Variants in SH3RF1 observed in about 807,000 individuals in gnomAD.
SH3RF1 encodes E3 ubiquitin-protein ligase SH3RF1.
Under a neutral mutation model 74.0 loss-of-function variants are expected in SH3RF1, and 32 were observed. The observed-to-expected ratio is 0.43, with a 90% CI of 0.33 to 0.58. The LOEUF is 0.58. Among genes scored for constraint, SH3RF1 ranks in the 20% least tolerant of loss-of-function variants. The probability of loss-of-function intolerance (pLI) is 0.05; values close to 1 mark genes in which losing one functional copy is unlikely to be tolerated. For synonymous variants in SH3RF1, 396 were observed against 439.6 expected (o/e 0.90, Z 1.24); for missense variants, 954 against 1,130.9 (o/e 0.84, Z 2.24).
chr4:169,244,542 C>T (rs1251727960), intron 2 of SH3RF1, among the ~76,000 whole-genome samples: 1 of 152,128 alleles, frequency 6.6e-6, no homozygotes, highest in Non-Finnish European at 1.5e-5. Context: ...TCTAAATTCT[C>T]CTACAACGTA....
intron 2 of SH3RF1, among the ~76,000 whole-genome samples, chr4:169,222,524 T>A (rs887671520): frequency 6.0e-5 from 9 of 149,240 alleles, no homozygotes; most frequent in East Asian, 1.9e-4. Context: ...TATATATATA[T>A]AAATCATTAA....
At chr4:169,185,156 A>G (rs1734582043) in intron 2 of SH3RF1, among the ~76,000 whole-genome samples, 1 of 152,182 alleles carries the variant, frequency 6.6e-6, no homozygotes, top group African/African-American at 2.4e-5. Context: ...TCATCCCACA[A>G]ATATTTATTA....
In SH3RF1 at chr4:169,241,230, A is replaced by AAAAT. The variant is rs979646578; in HGVS notation, c.393+27586_393+27589dup. Among the ~76,000 whole-genome samples the AAAAT allele has an allele frequency of 3.3e-5, 5 of 152,212 alleles. No individual in the cohort carries two copies. In the East Asian group the frequency reaches 5.8e-4, roughly 18 times the overall value. ...GGGCGACAGAGCGAGACTCCGTCTC[A>AAAAT]AAATAAATAAATAAATAAACAAACA... On this transcript the variant is annotated intron_variant, in intron 2 of 11. Coordinates refer to ENST00000284637, the MANE Select transcript of SH3RF1 (RefSeq NM_020870.4).
At chr4:169,159,364 A>G (rs1411009963) in intron 2 of SH3RF1, among the ~76,000 whole-genome samples, 1 of 152,236 alleles carries the variant, frequency 6.6e-6, no homozygotes, top group African/African-American at 2.4e-5. Flanking sequence ...ATAGTAAAAC[A>G]CAGCAATCGA....
At chr4:169,222,166 A>G (rs1730576540) in intron 2 of SH3RF1, among the ~76,000 whole-genome samples, 1 of 152,232 alleles carries the variant, frequency 6.6e-6, no homozygotes, top group African/African-American at 2.4e-5. Flanking sequence ...ATATGCTCTT[A>G]AATTATAAAT....
intron 11 of SH3RF1, among the ~76,000 whole-genome samples, chr4:169,106,096 G>A (rs913973984): frequency 6.6e-6 from 1 of 151,166 alleles, no homozygotes; most frequent in African/African-American, 2.4e-5. Flanking sequence ...ATGTGTGTGT[G>A]TATATATATT....
intron 10 of SH3RF1, among the ~76,000 whole-genome samples, chr4:169,109,563 T>C (rs978943388): frequency 1.3e-5 from 2 of 152,196 alleles, no homozygotes; most frequent in Non-Finnish European, 2.9e-5. Context: ...CAAGGAACCA[T>C]GCTTTCAATG....
Position 169,098,152 on chromosome 4 carries a change from T to C in SH3RF1, c.2499-1465A>G, listed in dbSNP as rs114876653. Among the ~76,000 whole-genome samples, 563 of 152,388 alleles carry C rather than the reference T, an allele frequency of 3.7e-3. 4 individuals are homozygous for C. The highest frequency in any genetic ancestry group is 0.013 in the African/African-American group (538 of 41,598). ...GAAATAATACATGCTTATTATTGTT[T>C]TAAGCCACTGACTTTTGGGCGTAAC... On this transcript the variant is annotated intron_variant, in intron 11 of 11. Transcript: ENST00000284637.
In SH3RF1 at chr4:169,117,752, G is replaced by T; in HGVS notation, c.1548C>A (p.Val516=). Residue 516 remains valine (V), a synonymous_variant, in exon 9 of 12, where the codon GTC becomes GTA. Transcript: ENST00000284637. ...TTGTCTGGCCAGCTGTAGACATAGG[G>T]ACTTTAGCTTGGGAAGCATTTGTCA... ...RAVTNASQAK[V]PMSTAGQTSR... 1 of 1,611,816 alleles carries T rather than the reference G, an allele frequency of 6.2e-7. No homozygotes were observed. The highest frequency in any genetic ancestry group is 8.5e-7 in the Non-Finnish European group (1 of 1,178,052).
In SH3RF1 at chr4:169,130,041, C is replaced by T. The variant is rs756435650; in HGVS notation, c.1179+5G>A. ...AGAAATAAAAATGGGAGAAACTATACTCACTCCAAGGGCAGCTTGGTAGGG... is the reference window on the plus strand; with the variant it reads ...AGAAATAAAAATGGGAGAAACTATATTCACTCCAAGGGCAGCTTGGTAGGG... On this transcript the variant is annotated splice_donor_5th_base_variant and intron_variant, in intron 6 of 11. Transcript: ENST00000284637. 8 of 1,609,608 alleles carry T rather than the reference C, an allele frequency of 5.0e-6. No individual in the cohort carries two copies. In the Admixed American group the frequency reaches 6.7e-5, roughly 13 times the overall value.
intron 2 of SH3RF1, among the ~76,000 whole-genome samples, chr4:169,206,001 T>C (rs1730251224): frequency 6.6e-6 from 1 of 152,222 alleles, no homozygotes; most frequent in African/African-American, 2.4e-5. Context: ...AATATATTCA[T>C]ATTTTTAACT....
chr4:169,146,096 A>T (rs1733882626), intron 4 of SH3RF1, among the ~76,000 whole-genome samples: 1 of 126,688 alleles, frequency 7.9e-6, no homozygotes, highest in Admixed American at 7.7e-5. Context: ...TATATATTCT[A>T]TATAAAATGT....
At position 169,269,187 on chromosome 4, in the gene SH3RF1, A is replaced by G; in HGVS notation, c.26T>C (p.Leu9Pro). 6.3e-7 allele frequency: 1 copy of G among 1,595,366 alleles called. No homozygotes were observed. The part of the protein sequence containing the change: MDESALLD[L>P]LECPVCLERL... The stretch of plus-strand genomic sequence containing the variant: ...CTCTAGACACACCGGACACTCCAAA[A>G]GATCCAACAAGGCTGATTCATCCAT... The change falls in exon 2 of 12, where the codon CTT becomes CCT. Residue 9 changes from leucine (L) to proline (P), a missense_variant. Physicochemically the swap from Leu to Pro is moderately conservative, Grantham distance 98 (BLOSUM62 -3). Coordinates refer to ENST00000284637, the MANE Select transcript of SH3RF1 (RefSeq NM_020870.4).
At position 169,269,333 on chromosome 4, in the gene SH3RF1, A is replaced by G. The variant is rs943562197; in HGVS notation, c.-95-26T>C. The G allele has an allele frequency of 1.0e-4, 109 of 1,089,970 alleles. 1 individual carries two copies. In the South Asian group the frequency reaches 1.7e-3, roughly 17 times the overall value. The allele number at this position is 1,089,970 out of a possible 1,614,324, so 67.5% of individuals were successfully genotyped here. A position where few individuals can be genotyped will look rare whatever the true frequency, so the allele number is the denominator to read the frequency against. On this transcript the variant is annotated intron_variant, in intron 1 of 11. Coordinates refer to ENST00000284637, the MANE Select transcript of SH3RF1 (RefSeq NM_020870.4). Reference sequence around the variant, plus strand: ...CTAGAGTCATGGGGAAAAGGGGGAAAAGAGAACATGAGTGTTGTTATCTAG... The same window carrying G: ...CTAGAGTCATGGGGAAAAGGGGGAAGAGAGAACATGAGTGTTGTTATCTAG...
At chr4:169,207,937 G>A (rs1318759277) in intron 2 of SH3RF1, among the ~76,000 whole-genome samples, 1 of 152,002 alleles carries the variant, frequency 6.6e-6, no homozygotes, top group Non-Finnish European at 1.5e-5. Context: ...TGTCAGTAGG[G>A]GTGGGGGGAT....
intron 4 of SH3RF1, among the ~76,000 whole-genome samples, chr4:169,142,439 T>C (rs1438417163): frequency 6.6e-6 from 1 of 152,210 alleles, no homozygotes; most frequent in East Asian, 1.9e-4. Context: ...TTGTTTTAAA[T>C]AAGAAACCTA....
chr4:169,190,557 A>AAG (rs1377404457), intron 2 of SH3RF1, among the ~76,000 whole-genome samples: 1 of 152,016 alleles, frequency 6.6e-6, no homozygotes, highest in Non-Finnish European at 1.5e-5. Context: ...AATAACAAGC[A>AAG]GAGAGACTGA....
rs182343734 is a variant in SH3RF1 at position 169,245,944 on chromosome 4, A to T, written c.393+22876T>A. 2.0e-5 allele frequency among the ~76,000 whole-genome samples: 3 copies of T among 152,336 alleles called. No homozygotes were observed. In the East Asian group the frequency reaches 5.8e-4, roughly 29 times the overall value. ...AAAGGCAGGCAAGACAATCATAAAC[A>T]TCTATGCTCATTCACCTGTTCAAAT... On this transcript the variant is annotated intron_variant, in intron 2 of 11. Coordinates refer to ENST00000284637, the MANE Select transcript of SH3RF1 (RefSeq NM_020870.4).
At position 169,156,511 on chromosome 4, in the gene SH3RF1, C is replaced by T; in HGVS notation, c.562G>A (p.Val188Met). ...GIHGFFPTNF[V>M]QIIKPLPQPP... Reference sequence around the variant, plus strand: ...TGAGGTAACGGTTTAATAATCTGCACAAAGTTGGTGGGGAAAAAGCCATGG... The same window carrying T: ...TGAGGTAACGGTTTAATAATCTGCATAAAGTTGGTGGGGAAAAAGCCATGG... Residue 188 changes from valine (V) to methionine (M), a missense_variant, in exon 3 of 12, where the codon GTG becomes ATG. Val to Met is a conservative substitution (Grantham distance 21). Around this residue, in one of 3 missense-constraint regions of SH3RF1, gnomAD observed 854 missense variants for 962.5 expected, o/e 0.89. Coordinates refer to ENST00000284637, the MANE Select transcript of SH3RF1 (RefSeq NM_020870.4). 6.2e-7 allele frequency: 1 copy of T among 1,614,060 alleles called. No individual in the cohort carries two copies. The highest frequency in any genetic ancestry group is 1.7e-5 in the Admixed American group (1 of 60,016).
Sources: allele counts gnomAD v4.1 joint callset (sites outside exome capture counted in the v4.1 genomes callset), GRCh38; gene constraint gnomAD v4.1.1; regional missense constraint gnomAD v4.1.1; transcripts MANE v1.5; gene names NCBI Gene and HGNC (gene_info 2026-07-23, HGNC 2026-07-21).